The following CNTN1 variants were observed in gnomAD, a reference collection of about 807,000 sequenced individuals.
CNTN1 encodes the protein contactin 1, also known as contactin-1.
CNTN1 carries 38 observed loss-of-function variants against 126.4 expected under a neutral mutation model. The observed-to-expected ratio is 0.30, with a 90% confidence interval of 0.23 to 0.39. CNTN1 has a LOEUF of 0.39. CNTN1 is among the 10% of genes least tolerant of loss of function. The probability of loss-of-function intolerance (pLI) is 1.00; values close to 1 mark genes in which losing one functional copy is unlikely to be tolerated. For missense variants in CNTN1, 1,009 were observed against 1,248.4 expected (o/e 0.81, Z 2.89); for synonymous variants, 413 against 422.6 (o/e 0.98, Z 0.28).
chr12:40,820,783 C>A (rs1941418934), intron 1 of CNTN1, among the ~76,000 whole-genome samples: 1 of 152,146 alleles, frequency 6.6e-6, no homozygotes, highest in South Asian at 2.1e-4. Context: ...ATACTGATAG[C>A]CCCCACCATT....
chr12:40,915,540 C>T (rs1419787930), intron 3 of CNTN1, among the ~76,000 whole-genome samples: 2 of 152,016 alleles, frequency 1.3e-5, no homozygotes, highest in African/African-American at 2.4e-5. Flanking sequence ...CATATTTAAT[C>T]ACTACTATAT....
chr12:40,921,702 TA>T (rs1341166734), intron 4 of CNTN1, among the ~76,000 whole-genome samples: 2 of 152,186 alleles, frequency 1.3e-5, no homozygotes, highest in Non-Finnish European at 2.9e-5. Context: ...TGGCTCGGAA[TA>T]AATTTTTAAA....
chr12:40,810,834 A>G (rs1941033036), intron 1 of CNTN1, among the ~76,000 whole-genome samples: 1 of 152,134 alleles, frequency 6.6e-6, no homozygotes, highest in African/African-American at 2.4e-5. Flanking sequence ...TAGGCAACAT[A>G]GTAAGACCTC....
chr12:40,752,011 T>G (rs1247451448), intron 1 of CNTN1, among the ~76,000 whole-genome samples: 1 of 152,128 alleles, frequency 6.6e-6, no homozygotes, highest in African/African-American at 2.4e-5. Flanking sequence ...TGGAGTGAAT[T>G]TTTTTCATCT....
At chr12:41,054,052 C>T (rs532221849) in intron 23 of CNTN1, among the ~76,000 whole-genome samples, 24 of 151,666 alleles carry the variant, frequency 1.6e-4, no homozygotes, top group Middle Eastern at 3.4e-3. Context: ...AGGCTAATTC[C>T]CTTTCCTCAA....
intron 17 of CNTN1, among the ~76,000 whole-genome samples, chr12:41,004,551 AT>A (rs1948443958): frequency 6.6e-6 from 1 of 152,036 alleles, no homozygotes. Context: ...TTAAAGACTC[AT>A]TATTATGTGG....
intron 1 of CNTN1, among the ~76,000 whole-genome samples, chr12:40,738,681 G>A (rs975862060): frequency 7.9e-5 from 12 of 151,946 alleles, no homozygotes; most frequent in Non-Finnish European, 2.9e-5. Flanking sequence ...TTGTGAACAG[G>A]CATATCAGAG....
intron 1 of CNTN1, among the ~76,000 whole-genome samples, chr12:40,752,418 T>A (rs2053628): frequency 0.77 from 116,743 of 151,978 alleles, 45,733 homozygotes; most frequent in East Asian, 0.98. Flanking sequence ...CCTTAATGAA[T>A]GTCGATTATG....
chr12:40,773,481 A>G (rs1013141499), intron 1 of CNTN1, among the ~76,000 whole-genome samples: 1 of 151,314 alleles, frequency 6.6e-6, no homozygotes, highest in African/African-American at 2.4e-5. Flanking sequence ...CATAGTTAAC[A>G]TTTCATTGAC....
chr12:41,028,515 A>T (rs1949080942), intron 22 of CNTN1, among the ~76,000 whole-genome samples: 1 of 152,226 alleles, frequency 6.6e-6, no homozygotes, highest in Non-Finnish European at 1.5e-5. Context: ...AGGAGGAGAG[A>T]GAACGAAACT....
At chr12:40,781,568 A>G (rs931397648) in intron 1 of CNTN1, among the ~76,000 whole-genome samples, 1 of 151,958 alleles carries the variant, frequency 6.6e-6, no homozygotes, top group Non-Finnish European at 1.5e-5. Context: ...ATTATCTTGT[A>G]TGGGCTAATG....
intron 1 of CNTN1, among the ~76,000 whole-genome samples, chr12:40,821,295 A>T (rs553643201): frequency 6.6e-6 from 1 of 152,320 alleles, no homozygotes; most frequent in African/African-American, 2.4e-5. Flanking sequence ...GGTGACTCTC[A>T]TGGGGCAGAA....
At chr12:40,781,852 T>C (rs1939818717) in intron 1 of CNTN1, among the ~76,000 whole-genome samples, 1 of 152,044 alleles carries the variant, frequency 6.6e-6, no homozygotes, top group South Asian at 2.1e-4. Flanking sequence ...GGTTTCTGCA[T>C]CTGATCTCAT....
At chr12:40,945,390 A>T (rs12315093) in intron 14 of CNTN1, among the ~76,000 whole-genome samples, 17,804 of 152,072 alleles carry the variant, frequency 0.12, 1,089 homozygotes, top group Non-Finnish European at 0.12. Flanking sequence ...AAAGGAAAAA[A>T]GTAAGCTAAA....
intron 1 of CNTN1, among the ~76,000 whole-genome samples, chr12:40,735,084 T>C (rs1431882304): frequency 1.3e-5 from 2 of 152,112 alleles, no homozygotes; most frequent in Non-Finnish European, 2.9e-5. Flanking sequence ...TAAATCATCA[T>C]TGTTGAATGT....
intron 1 of CNTN1, among the ~76,000 whole-genome samples, chr12:40,784,740 TATGG>T (rs1939941448): frequency 6.6e-6 from 1 of 152,088 alleles, no homozygotes; most frequent in Non-Finnish European, 1.5e-5. Flanking sequence ...TCGTGTTCTA[TATGG>T]GAAATAAACC....
At chr12:41,040,691 T>C (rs905983732) in intron 23 of CNTN1, among the ~76,000 whole-genome samples, 52 of 152,188 alleles carry the variant, frequency 3.4e-4, no homozygotes, top group African/African-American at 1.2e-3. Flanking sequence ...GAATGGGAGT[T>C]CACTCATGAT....
chr12:40,818,762 T>G (rs58093662), intron 1 of CNTN1, among the ~76,000 whole-genome samples: 3,469 of 152,308 alleles, frequency 0.023, 130 homozygotes, highest in African/African-American at 0.078. Flanking sequence ...CTGGCCTTTT[T>G]GGTTTTCAGC....
intron 1 of CNTN1, among the ~76,000 whole-genome samples, chr12:40,872,754 G>T (rs1414517085): frequency 6.6e-6 from 1 of 151,048 alleles, no homozygotes; most frequent in Non-Finnish European, 1.5e-5. Flanking sequence ...TAGAGATGGG[G>T]TTTCACCATA....
Sources: gnomAD v4.1 joint callset for allele counts (sites outside exome capture counted in the v4.1 genomes callset) on GRCh38, gnomAD v4.1.1 for gene constraint, MANE v1.5 for transcripts, NCBI Gene and HGNC (gene_info 2026-07-23, HGNC 2026-07-21) for gene names.